ABTB3: variants seen among roughly 807,000 people sequenced by gnomAD.
The protein encoded by ABTB3 is ankyrin repeat- and BTB/POZ domain-containing protein 3.
At chr12:107,635,311 C>T in the ABTB3 span, 63 of 1,613,670 alleles carry the variant, frequency 3.9e-5, no homozygotes, top group Admixed American at 3.0e-4. Flanking sequence ...AGCAGCTGTG[C>T]GTCATCTTCA....
At chr12:107,464,297 G>T in the ABTB3 span, among the ~76,000 whole-genome samples, 1 of 149,048 alleles carries the variant, frequency 6.7e-6, no homozygotes, top group South Asian at 2.1e-4. Flanking sequence ...CTATGAGGAG[G>T]TGGTGACTGT....
chr12:107,583,920 T>C, the ABTB3 span, among the ~76,000 whole-genome samples: 3 of 152,226 alleles, frequency 2.0e-5, no homozygotes, highest in African/African-American at 7.2e-5. Context: ...ACAGAAAATA[T>C]ACTAATTGAT....
At chr12:107,423,620 C>T in the ABTB3 span, among the ~76,000 whole-genome samples, 1 of 152,244 alleles carries the variant, frequency 6.6e-6, no homozygotes, top group African/African-American at 2.4e-5. Context: ...GGACGTTGCA[C>T]AGAGGTCCCG....
the ABTB3 span, among the ~76,000 whole-genome samples, chr12:107,562,265 G>A: frequency 6.6e-6 from 1 of 152,202 alleles, no homozygotes; most frequent in East Asian, 1.9e-4. Context: ...ATCAGGCACA[G>A]AGAAGTAGCA....
the ABTB3 span, among the ~76,000 whole-genome samples, chr12:107,559,793 T>C: frequency 2.0e-5 from 3 of 152,308 alleles, no homozygotes; most frequent in Non-Finnish European, 4.4e-5. Context: ...CATCCCTCCA[T>C]TTTGCTCTCC....
the ABTB3 span, among the ~76,000 whole-genome samples, chr12:107,472,812 G>T: frequency 2.6e-5 from 4 of 152,176 alleles, no homozygotes; most frequent in East Asian, 5.8e-4. Flanking sequence ...CATAATGACA[G>T]ATTTAAGCAT....
chr12:107,427,809 C>T, the ABTB3 span, among the ~76,000 whole-genome samples: 142 of 152,246 alleles, frequency 9.3e-4, 1 homozygote, highest in African/African-American at 3.1e-3. Flanking sequence ...TAATGCTGAC[C>T]GTCAAAATGG....
At chr12:107,446,394 G>A in the ABTB3 span, among the ~76,000 whole-genome samples, 1 of 152,250 alleles carries the variant, frequency 6.6e-6, no homozygotes, top group Non-Finnish European at 1.5e-5. Flanking sequence ...GAGACTGGGA[G>A]GGCCTAACTC....
At chr12:107,354,768 A>G in the ABTB3 span, among the ~76,000 whole-genome samples, 2 of 152,050 alleles carry the variant, frequency 1.3e-5, no homozygotes, top group Non-Finnish European at 2.9e-5. Flanking sequence ...ACTTGTTATT[A>G]TCTGTATTTT....
the ABTB3 span, among the ~76,000 whole-genome samples, chr12:107,384,974 GC>G: frequency 6.6e-6 from 1 of 152,222 alleles, no homozygotes; most frequent in Admixed American, 6.5e-5. Flanking sequence ...ATGTCATGTA[GC>G]TTTTTCTTCG....
chr12:107,563,844 C>T, the ABTB3 span, among the ~76,000 whole-genome samples: 1 of 152,102 alleles, frequency 6.6e-6, no homozygotes, highest in Non-Finnish European at 1.5e-5. Flanking sequence ...GTGACCACAG[C>T]ACGTTGGTGC....
chr12:107,532,438 C>T, the ABTB3 span, among the ~76,000 whole-genome samples: 1 of 152,170 alleles, frequency 6.6e-6, no homozygotes, highest in African/African-American at 2.4e-5. Flanking sequence ...ACATTGACTA[C>T]AGTGGAAGAA....
chr12:107,510,861 G>A, the ABTB3 span, among the ~76,000 whole-genome samples: 5 of 152,154 alleles, frequency 3.3e-5, no homozygotes, highest in Admixed American at 3.3e-4. Context: ...GGTGGAGGTT[G>A]CAGTGAGCCG....
At chr12:107,358,948 C>T in the ABTB3 span, among the ~76,000 whole-genome samples, 1 of 152,194 alleles carries the variant, frequency 6.6e-6, no homozygotes, top group Non-Finnish European at 1.5e-5. Context: ...AATGTGGGAG[C>T]CATCTCTCTG....
the ABTB3 span, among the ~76,000 whole-genome samples, chr12:107,551,589 A>T: frequency 6.6e-6 from 1 of 152,204 alleles, no homozygotes; most frequent in Admixed American, 6.5e-5. Context: ...ATAAAGTTTT[A>T]TTGGAATACA....
the ABTB3 span, among the ~76,000 whole-genome samples, chr12:107,482,984 C>A: frequency 7.2e-5 from 1 of 13,914 alleles, no homozygotes; most frequent in African/African-American, 1.8e-4. Flanking sequence ...TTCTTTCTTT[C>A]TTTCCTTCCT....
the ABTB3 span, among the ~76,000 whole-genome samples, chr12:107,643,402 CAAAAAAAAAA>C: frequency 5.0e-5 from 4 of 79,538 alleles, no homozygotes; most frequent in Non-Finnish European, 7.7e-5. Flanking sequence ...GACCCTATCT[CAAAAAAAAAA>C]AAAAAAAAAA....
At chr12:107,581,695 G>A in the ABTB3 span, among the ~76,000 whole-genome samples, 1 of 152,158 alleles carries the variant, frequency 6.6e-6, no homozygotes, top group African/African-American at 2.4e-5. Flanking sequence ...GCGCCTCTGC[G>A]TTTTCACTTG....
chr12:107,532,866 T>C, the ABTB3 span, among the ~76,000 whole-genome samples: 13 of 147,078 alleles, frequency 8.8e-5, no homozygotes, highest in South Asian at 4.3e-4. Context: ...TGGGATGATA[T>C]ATTCAAAGTG....
Sources: gnomAD v4.1 joint callset for allele counts (sites outside exome capture counted in the v4.1 genomes callset) on GRCh38, gnomAD v4.1.1 for gene constraint, MANE v1.5 for transcripts, NCBI Gene and HGNC (gene_info 2026-07-23, HGNC 2026-07-21) for gene names.